ASIP: variants seen among roughly 807,000 people sequenced by gnomAD.
ASIP encodes agouti signaling protein, also known as agouti-signaling protein.
A neutral mutation model predicts 10.3 loss-of-function variants in ASIP; 11 were observed. The ratio of observed to expected loss-of-function variants is 1.07; its 90% CI spans 0.68 to 1.78. ASIP has a LOEUF of 1.78. Ranked by LOEUF, ASIP falls within the 40% of genes most tolerant of loss-of-function variation. The probability of loss-of-function intolerance (pLI) is 0.00; values close to 1 mark genes in which losing one functional copy is unlikely to be tolerated. For synonymous variants in ASIP, 70 were observed against 70.8 expected, an observed-to-expected ratio of 0.99 and a Z score of 0.06; for missense variants, 180 against 169.2, an observed-to-expected ratio of 1.06 and a Z score of -0.35.
Position 34,215,561 on chromosome 20 carries a change from A to G in ASIP, c.-11+20801A>G, listed in dbSNP as rs1032425563. ...AGTGAGATATTCTGCAACAAAAAGCAAGGCGAGGACTTGGGCGGCTTTATT... is the reference window on the plus strand; with the variant it reads ...AGTGAGATATTCTGCAACAAAAAGCGAGGCGAGGACTTGGGCGGCTTTATT... On this transcript the variant is annotated intron_variant, in intron 1 of 3. Coordinates refer to the ASIP transcript ENST00000568305. The G allele has an allele frequency of 6.6e-6, 10 of 1,508,576 alleles. No individual in the cohort carries two copies. The African/African-American group carries it at 1.4e-4, about 21-fold the overall frequency. The allele number at this position is 1,508,576 out of a possible 1,614,324, so 93.4% of individuals were successfully genotyped here.
intron 1 of ASIP, among the ~76,000 whole-genome samples, chr20:34,235,639 C>T (rs373010959): frequency 6.6e-6 from 1 of 151,682 alleles, no homozygotes; most frequent in East Asian, 1.9e-4. Context: ...AAAAGTCTGG[C>T]TGGGCATGGT....
intron 1 of ASIP, chr20:34,214,321 CTG>C: frequency 7.5e-7 from 1 of 1,326,946 alleles, no homozygotes; most frequent in Non-Finnish European, 1.1e-6. Context: ...TGAGGTTCAA[CTG>C]TGAAAAACTT....
At chr20:34,233,857 G>A (rs2035143837) in intron 1 of ASIP, among the ~76,000 whole-genome samples, 1 of 152,188 alleles carries the variant, frequency 6.6e-6, no homozygotes, top group Non-Finnish European at 1.5e-5. Flanking sequence ...TGAGATACCA[G>A]TGGAATAGCT....
intron 3 of ASIP, among the ~76,000 whole-genome samples, chr20:34,264,104 A>G (rs996918248): frequency 3.9e-5 from 6 of 152,216 alleles, no homozygotes; most frequent in African/African-American, 1.4e-4. Context: ...ATACTAGTCT[A>G]TTTTATCACT....
chr20:34,238,889 A>AT (rs1440859056), upstream of ASIP, among the ~76,000 whole-genome samples: 3 of 152,140 alleles, frequency 2.0e-5, no homozygotes. Flanking sequence ...ACACTTTGCC[A>AT]TCCAAGCCTT....
chr20:34,245,863 A>T, intron 1 of ASIP: 2 of 823,100 alleles, frequency 2.4e-6, no homozygotes, highest in Non-Finnish European at 3.2e-6. Context: ...TTCTACAGTA[A>T]ATATATATAT....
intron 1 of ASIP, chr20:34,246,630 G>A (rs934665154): frequency 3.2e-5 from 19 of 597,046 alleles, no homozygotes; most frequent in African/African-American, 9.2e-5. Flanking sequence ...CTAATTTTTT[G>A]TATTTTTGGT....
chr20:34,223,508 C>A (rs1205428137), intron 1 of ASIP, among the ~76,000 whole-genome samples: 7 of 151,108 alleles, frequency 4.6e-5, no homozygotes, highest in South Asian at 4.2e-4. Context: ...GGGGGTCAGC[C>A]CCCCCGCCCG....
intron 1 of ASIP, chr20:34,246,153 C>T (rs1601595053): frequency 2.9e-6 from 3 of 1,024,904 alleles, no homozygotes; most frequent in East Asian, 4.8e-5. Flanking sequence ...AGGCCACACA[C>T]TCTTGTCACA....
chr20:34,258,524 C>T (rs1037789827), intron 1 of ASIP, among the ~76,000 whole-genome samples: 4 of 147,194 alleles, frequency 2.7e-5, no homozygotes, highest in East Asian at 2.0e-4. Context: ...CTAAGCACTG[C>T]GATCAGTGGG....
At chr20:34,244,052 G>A (rs1395796476) in intron 1 of ASIP, among the ~76,000 whole-genome samples, 3 of 152,158 alleles carry the variant, frequency 2.0e-5, no homozygotes, top group Non-Finnish European at 4.4e-5. Flanking sequence ...GCGACAGAGT[G>A]AGACTCCATC....
At chr20:34,256,199 C>T (rs2035565504) in intron 1 of ASIP, among the ~76,000 whole-genome samples, 3 of 152,226 alleles carry the variant, frequency 2.0e-5, no homozygotes, top group Non-Finnish European at 1.5e-5. Context: ...GTCTGGTGGA[C>T]ACGTGACTTG....
chr20:34,242,513 G>A (rs962848429), intron 1 of ASIP, among the ~76,000 whole-genome samples: 3 of 152,160 alleles, frequency 2.0e-5, no homozygotes, highest in South Asian at 2.1e-4. Flanking sequence ...GATTACAGGC[G>A]TGAGCCACAG....
intron 1 of ASIP, among the ~76,000 whole-genome samples, chr20:34,244,737 T>A (rs2035341231): frequency 6.6e-6 from 1 of 152,244 alleles, no homozygotes; most frequent in Admixed American, 6.5e-5. Context: ...CGCACATTCA[T>A]GGTTTTAAGG....
chr20:34,234,081 C>T (rs1239662488), intron 1 of ASIP, among the ~76,000 whole-genome samples: 1 of 152,172 alleles, frequency 6.6e-6, no homozygotes, highest in Non-Finnish European at 1.5e-5. Flanking sequence ...GTCACCATGT[C>T]CAATGTTATG....
At chr20:34,206,664 C>T (rs1169234487) in intron 1 of ASIP, among the ~76,000 whole-genome samples, 6 of 152,080 alleles carry the variant, frequency 3.9e-5, no homozygotes, top group Admixed American at 1.3e-4. Flanking sequence ...CTGCAATCTC[C>T]GCCTCCTGGG....
intron 2 of ASIP, among the ~76,000 whole-genome samples, chr20:34,261,455 G>A (rs1273148037): frequency 1.3e-5 from 2 of 152,102 alleles, no homozygotes; most frequent in African/African-American, 4.8e-5. Flanking sequence ...TCAACAGGGT[G>A]AAACCCCGTC....
chr20:34,266,986 G>A (rs1240752144), intron 3 of ASIP, among the ~76,000 whole-genome samples: 3 of 152,174 alleles, frequency 2.0e-5, no homozygotes, highest in Non-Finnish European at 2.9e-5. Context: ...GTATTAGGAG[G>A]TAGGATCTGG....
intron 1 of ASIP, among the ~76,000 whole-genome samples, chr20:34,222,826 C>T (rs1307637595): frequency 6.6e-6 from 1 of 152,020 alleles, no homozygotes; most frequent in Admixed American, 6.5e-5. Flanking sequence ...GACGGGGTTT[C>T]GCTGTGTTGG....
Sources: allele counts gnomAD v4.1 joint callset (sites outside exome capture counted in the v4.1 genomes callset), GRCh38; gene constraint gnomAD v4.1.1; transcripts MANE v1.5; gene names NCBI Gene and HGNC (gene_info 2026-07-23, HGNC 2026-07-21).